The following SOX6 variants were observed in gnomAD, a reference collection of about 807,000 sequenced individuals.
SOX6 encodes transcription factor SOX-6.
Under a neutral mutation model 97.8 loss-of-function variants are expected in SOX6, and 11 were observed. The observed-to-expected ratio is 0.11, with a 90% CI of 0.07 to 0.19. The LOEUF (loss-of-function observed/expected upper bound fraction) is 0.19. Among genes scored for constraint, SOX6 ranks in the 10% least tolerant of loss-of-function variants. The pLI is 1.00. For missense variants in SOX6, 810 were observed against 1,039.5 expected (o/e 0.78, Z 3.04); for synonymous variants, 360 against 371.4 (o/e 0.97, Z 0.35).
intron 2 of SOX6, among the ~76,000 whole-genome samples, chr11:16,721,614 CCTCCCTCTCTCTCTCTCTCT>C (rs1432431775): frequency 0.01 from 371 of 36,706 alleles, 9 homozygotes; most frequent in African/African-American, 0.045. Context: ...TCCCTCCCTC[CCTCCCTCTCTCTCTCTCTCT>C]CTCTCTCTCT....
chr11:16,243,166 C>A lies in SOX6; in HGVS notation c.446-8495G>T, dbSNP rs1853242333. 2.6e-5 allele frequency among the ~76,000 whole-genome samples: 4 copies of A among 152,020 alleles called. No homozygotes were observed. In the Admixed American group the frequency reaches 2.6e-4, roughly 10 times the overall value. On this transcript the variant is annotated intron_variant, in intron 3 of 15. Coordinates refer to ENST00000683767, the MANE Select transcript of SOX6 (RefSeq NM_001367873.1). ...GTCCCCTCAAGGAAAATAATTAACA[C>A]TTGCTGAGCACATATCTGTCAGGCA...
intron 4 of SOX6, among the ~76,000 whole-genome samples, chr11:16,231,318 T>C (rs1852843399): frequency 6.6e-6 from 1 of 151,642 alleles, no homozygotes; most frequent in Non-Finnish European, 1.5e-5. Context: ...AAAGAAAAAA[T>C]GGGCAACCAA....
chr11:16,633,009 T>A (rs1848733728), intron 3 of SOX6, among the ~76,000 whole-genome samples: 1 of 152,086 alleles, frequency 6.6e-6, no homozygotes. Flanking sequence ...TCCAAATTCC[T>A]GGGGATCTGC....
chr11:16,580,606 T>C (rs1046459109), intron 4 of SOX6, among the ~76,000 whole-genome samples: 5 of 152,126 alleles, frequency 3.3e-5, no homozygotes, highest in African/African-American at 9.7e-5. Context: ...CAGTGGTAGA[T>C]TGGATAAAGA....
chr11:16,171,057 A>T (rs1851024991), intron 6 of SOX6, among the ~76,000 whole-genome samples: 1 of 152,018 alleles, frequency 6.6e-6, no homozygotes, highest in South Asian at 2.1e-4. Context: ...TAAAAGTAAA[A>T]TGCTGTTTAA....
At chr11:16,701,880 C>A (rs1848097326) in intron 3 of SOX6, among the ~76,000 whole-genome samples, 1 of 150,050 alleles carries the variant, frequency 6.7e-6, no homozygotes, top group Non-Finnish European at 1.5e-5. Flanking sequence ...GGCGACAGAG[C>A]AAGACTCCGT....
At chr11:16,026,223 C>T (rs1159167720) in intron 12 of SOX6, among the ~76,000 whole-genome samples, 1 of 152,136 alleles carries the variant, frequency 6.6e-6, no homozygotes, top group African/African-American at 2.4e-5. Flanking sequence ...ATCTATACTG[C>T]AGCACACATT....
At chr11:16,324,534 TGTTA>T (rs1464402803) in intron 2 of SOX6, among the ~76,000 whole-genome samples, 1 of 152,140 alleles carries the variant, frequency 6.6e-6, no homozygotes, top group African/African-American at 2.4e-5. Context: ...CATAATGTAT[TGTTA>T]GTTCAAAGTA....
chr11:16,602,210 CA>C (rs1482873682), intron 4 of SOX6, among the ~76,000 whole-genome samples: 2 of 151,956 alleles, frequency 1.3e-5, no homozygotes, highest in Non-Finnish European at 2.9e-5. Context: ...AAACAATAAA[CA>C]AAAAGCTATC....
At chr11:16,601,907 A>G (rs1007594656) in intron 4 of SOX6, among the ~76,000 whole-genome samples, 2 of 152,160 alleles carry the variant, frequency 1.3e-5, no homozygotes, top group African/African-American at 4.8e-5. Context: ...TATTGTACAT[A>G]TATGTTTTTC....
At chr11:16,362,172 T>G (rs897439946) in intron 1 of SOX6, among the ~76,000 whole-genome samples, 1 of 152,146 alleles carries the variant, frequency 6.6e-6, no homozygotes, top group African/African-American at 2.4e-5. Context: ...TAAGAGTATC[T>G]TGTGTTACAG....
At chr11:16,606,845 A>C (rs1164814559) in intron 4 of SOX6, among the ~76,000 whole-genome samples, 1 of 152,046 alleles carries the variant, frequency 6.6e-6, no homozygotes, top group Non-Finnish European at 1.5e-5. Flanking sequence ...GAAGGGGAGA[A>C]AAACAGACCC....
intron 4 of SOX6, among the ~76,000 whole-genome samples, chr11:16,535,191 T>C (rs1186446003): frequency 1.3e-5 from 2 of 152,206 alleles, no homozygotes; most frequent in Non-Finnish European, 2.9e-5. Flanking sequence ...TGCAAGCTCG[T>C]GAAAATATCT....
chr11:16,079,136 C>T (rs1590182028), intron 9 of SOX6, among the ~76,000 whole-genome samples: 1 of 152,072 alleles, frequency 6.6e-6, no homozygotes, highest in Admixed American at 6.5e-5. Context: ...TTGCCTTGGC[C>T]CACAATGACT....
chr11:15,984,477 A>G (rs1290018692), intron 15 of SOX6, among the ~76,000 whole-genome samples: 1 of 152,174 alleles, frequency 6.6e-6, no homozygotes. Context: ...AAGAGATTAT[A>G]CACAATCTTA....
At chr11:16,658,038 C>T (rs1409826994) in intron 3 of SOX6, among the ~76,000 whole-genome samples, 1 of 152,152 alleles carries the variant, frequency 6.6e-6, no homozygotes, top group African/African-American at 2.4e-5. Context: ...TCATAAAAAT[C>T]GCTTTGTGTA....
At chr11:16,468,110 G>T (rs1218722243) in intron 1 of SOX6, among the ~76,000 whole-genome samples, 1 of 152,106 alleles carries the variant, frequency 6.6e-6, no homozygotes, top group Non-Finnish European at 1.5e-5. Context: ...CCACCACATT[G>T]TTTCCAATCT....
intron 6 of SOX6, among the ~76,000 whole-genome samples, chr11:16,176,546 A>G (rs987250405): frequency 2.0e-5 from 3 of 151,914 alleles, no homozygotes; most frequent in Non-Finnish European, 2.9e-5. Context: ...ACACCAAAAG[A>G]GTCACCCAGC....
At chr11:16,409,990 G>T (rs1858767320) in intron 1 of SOX6, among the ~76,000 whole-genome samples, 1 of 152,174 alleles carries the variant, frequency 6.6e-6, no homozygotes. Flanking sequence ...AGAGCAGTAG[G>T]TGGTTACCAG....
Sources: gnomAD v4.1 joint callset for allele counts (sites outside exome capture counted in the v4.1 genomes callset) on GRCh38, gnomAD v4.1.1 for gene constraint, MANE v1.5 for transcripts, NCBI Gene and HGNC (gene_info 2026-07-23, HGNC 2026-07-21) for gene names.